INSYN2A: variants seen among roughly 807,000 people sequenced by gnomAD.
INSYN2A encodes the protein family with sequence similarity 196 member A.
In INSYN2A, 17 loss-of-function variants were observed where a neutral mutation model predicts 39.4. That is an observed-to-expected ratio of 0.43 (90% CI 0.30 to 0.65). INSYN2A has a LOEUF of 0.65. INSYN2A is among the 30% of genes least tolerant of loss of function. The pLI is 0.14. For synonymous variants in INSYN2A, 255 were observed against 265.7 expected (o/e 0.96, Z 0.39); for missense variants, 595 against 631.2 (o/e 0.94, Z 0.61).
Position 127,186,611 on chromosome 10 carries a change from G to C in INSYN2A, c.-269+5994C>G, listed in dbSNP as rs1279152472. Among the ~76,000 whole-genome samples the C allele has an allele frequency of 5.3e-5, 8 of 150,366 alleles. No homozygotes were observed. The East Asian group carries it at 1.6e-3, about 30-fold the overall frequency. On this transcript the variant is annotated intron_variant, in intron 2 of 5. Transcript: ENST00000522781. Reference sequence around the variant, plus strand: ...GAGGTGAGATTTGGGTGGGGACAGAGAGCCAAACCGTATCAGAGGGGCATA... The same window carrying C: ...GAGGTGAGATTTGGGTGGGGACAGACAGCCAAACCGTATCAGAGGGGCATA...
intron 2 of INSYN2A, among the ~76,000 whole-genome samples, chr10:127,185,584 C>A (rs2056157385): frequency 6.6e-6 from 1 of 152,094 alleles, no homozygotes; most frequent in Non-Finnish European, 1.5e-5. Context: ...GATGAGTGTA[C>A]AATATTAATG....
intron 2 of INSYN2A, among the ~76,000 whole-genome samples, chr10:127,179,605 A>G (rs1353172911): frequency 6.6e-6 from 1 of 152,164 alleles, no homozygotes; most frequent in East Asian, 1.9e-4. Context: ...TAAGGTGGAC[A>G]CATCTTTTCG....
chr10:127,171,926 A>G (rs1386652752), intron 4 of INSYN2A, among the ~76,000 whole-genome samples: 1 of 152,130 alleles, frequency 6.6e-6, no homozygotes, highest in Non-Finnish European at 1.5e-5. Context: ...ACTGGTCTCA[A>G]ACTCCTGACC....
rs1340412265 is a variant in INSYN2A, at chr10:127,158,734, C to G, written c.1185-4811G>C. Among the ~76,000 whole-genome samples the G allele has an allele frequency of 1.2e-4, 19 of 152,168 alleles. 1 individual carries two copies. Among genetic ancestry groups the G allele is most frequent in the Admixed American group, 1.2e-3 (19 of 15,286 alleles). Reference sequence around the variant, plus strand: ...CTCCCCATATGAACTCCTTTGGGTGCTAATGATAAGCATGTTCATTGTAGA... The same window carrying G: ...CTCCCCATATGAACTCCTTTGGGTGGTAATGATAAGCATGTTCATTGTAGA... On this transcript the variant is annotated intron_variant, in intron 4 of 5. Coordinates refer to ENST00000522781, the MANE Select transcript of INSYN2A (RefSeq NM_001039762.3).
intron 5 of INSYN2A, among the ~76,000 whole-genome samples, chr10:127,143,320 G>T (rs115204209): frequency 6.6e-6 from 1 of 152,150 alleles, no homozygotes; most frequent in Admixed American, 6.5e-5. Context: ...CATGTGGCTC[G>T]GTGGCCAGCA....
chr10:127,155,090 C>T (rs954785419), intron 4 of INSYN2A, among the ~76,000 whole-genome samples: 2 of 152,202 alleles, frequency 1.3e-5, no homozygotes, highest in Non-Finnish European at 2.9e-5. Flanking sequence ...TATAAACACT[C>T]TGGGGGCAAA....
chr10:127,179,994 T>A (rs578128232), intron 2 of INSYN2A, among the ~76,000 whole-genome samples: 5 of 152,154 alleles, frequency 3.3e-5, no homozygotes, highest in Non-Finnish European at 7.3e-5. Context: ...GATTTTGGGA[T>A]TTTTTGCAAC....
intron 4 of INSYN2A, among the ~76,000 whole-genome samples, chr10:127,172,842 C>T (rs369613618): frequency 1.3e-5 from 2 of 152,138 alleles, no homozygotes; most frequent in Non-Finnish European, 2.9e-5. Context: ...TCTGGGATAC[C>T]GGAGTGAATG....
At chr10:127,192,154 T>A (rs2056803677) in intron 2 of INSYN2A, among the ~76,000 whole-genome samples, 1 of 152,188 alleles carries the variant, frequency 6.6e-6, no homozygotes, top group South Asian at 2.1e-4. Flanking sequence ...TCTTCTTTTC[T>A]TTTTTTGCTC....
At chr10:127,185,520 A>T (rs917419603) in intron 2 of INSYN2A, among the ~76,000 whole-genome samples, 1 of 152,212 alleles carries the variant, frequency 6.6e-6, no homozygotes, top group African/African-American at 2.4e-5. Flanking sequence ...AACACTATAC[A>T]TCACAGTATC....
At chr10:127,187,708 A>C (rs1258234185) in intron 2 of INSYN2A, among the ~76,000 whole-genome samples, 1 of 150,108 alleles carries the variant, frequency 6.7e-6, no homozygotes, top group African/African-American at 2.4e-5. Flanking sequence ...TAATCCATTA[A>C]AAAACAAGGA....
In INSYN2A at chr10:127,175,837, G is replaced by C; in HGVS notation, c.559C>G (p.Pro187Ala). The C allele has an allele frequency of 6.2e-7, 1 of 1,614,130 alleles. No homozygotes were observed. Residue 187 changes from proline to alanine, a missense_variant, in exon 4 of 6, where the codon CCT becomes GCT. Physicochemically the swap from Pro to Ala is conservative, Grantham distance 27. This residue lies in a region of INSYN2A where 478 missense variants were observed against 467.4 expected (regional missense o/e 1.02). Coordinates refer to ENST00000522781, the MANE Select transcript of INSYN2A (RefSeq NM_001039762.3). The surrounding 1 kb of genome is among the most constrained non-coding windows in gnomAD (Gnocchi z 6.3). ...GGCTCTGTGCAGTTGACCCCCAAAG[G>C]CTGGTCCACTGTGTTCATGTGTTGG... ...SNQHMNTVDQ[P>A]LGVNCTEPCK...
At chr10:127,163,984 A>T (rs1040725195) in intron 4 of INSYN2A, among the ~76,000 whole-genome samples, 1 of 151,820 alleles carries the variant, frequency 6.6e-6, no homozygotes, top group Non-Finnish European at 1.5e-5. Flanking sequence ...GGAAGTTTTA[A>T]TGCTTGTTTT....
intron 5 of INSYN2A, among the ~76,000 whole-genome samples, chr10:127,142,515 T>C (rs2051362887): frequency 6.6e-6 from 1 of 152,184 alleles, no homozygotes; most frequent in Admixed American, 6.5e-5. Context: ...ATTCAAAGCA[T>C]GAGTCTGAAG....
chr10:127,156,317 T>C (rs2053042203), intron 4 of INSYN2A, among the ~76,000 whole-genome samples: 1 of 152,144 alleles, frequency 6.6e-6, no homozygotes, highest in Admixed American at 6.5e-5. Context: ...GGCCCCAGGC[T>C]TCTGATGCTC....
At chr10:127,179,969 G>A (rs2055570123) in intron 2 of INSYN2A, among the ~76,000 whole-genome samples, 1 of 152,188 alleles carries the variant, frequency 6.6e-6, no homozygotes, top group Non-Finnish European at 1.5e-5. Flanking sequence ...TGCAGATTGA[G>A]AAACCGAGGC....
intron 2 of INSYN2A, among the ~76,000 whole-genome samples, chr10:127,179,724 C>A (rs2055542222): frequency 6.6e-6 from 1 of 152,158 alleles, no homozygotes; most frequent in South Asian, 2.1e-4. Flanking sequence ...AGAGGACTTT[C>A]CCTAAGACAA....
intron 2 of INSYN2A, among the ~76,000 whole-genome samples, chr10:127,191,105 C>A (rs886979866): frequency 6.6e-6 from 1 of 152,142 alleles, no homozygotes; most frequent in Admixed American, 6.5e-5. Flanking sequence ...GCCCTGAGCA[C>A]CCTACCACTT....
rs533537521 is a variant in INSYN2A at position 127,188,783 on chromosome 10, G to A, written c.-269+3822C>T. Among the ~76,000 whole-genome samples, 17 of 152,340 alleles carry A rather than the reference G, an allele frequency of 1.1e-4. 1 individual carries two copies. The East Asian group carries it at 1.7e-3, about 16-fold the overall frequency. Reference sequence around the variant, plus strand: ...TAACACTCAGCACAAGCTAGGTACCGTTCTGTGCTTTGTGTATGTCTGAAC... The same window carrying A: ...TAACACTCAGCACAAGCTAGGTACCATTCTGTGCTTTGTGTATGTCTGAAC... On this transcript the variant is annotated intron_variant, in intron 2 of 5. Transcript: ENST00000522781.
Sources: gnomAD v4.1 joint callset for allele counts (sites outside exome capture counted in the v4.1 genomes callset) on GRCh38, gnomAD v4.1.1 for gene constraint, gnomAD v4.1.1 regional missense constraint, Gnocchi (gnomAD v3.1) non-coding constraint, MANE v1.5 for transcripts, NCBI Gene and HGNC (gene_info 2026-07-23, HGNC 2026-07-21) for gene names.